Variants in PFKFB3 observed in about 807,000 individuals in gnomAD.
PFKFB3 encodes the protein 6-phosphofructo-2-kinase/fructose-2,6-biphosphatase 3.
PFKFB3 carries 33 observed loss-of-function variants against 68.0 expected under a neutral mutation model. The observed-to-expected ratio is 0.49, with a 90% CI of 0.37 to 0.65. The LOEUF (loss-of-function observed/expected upper bound fraction) is 0.65, where lower values mean the gene tolerates loss of function less well. Ranked by LOEUF, PFKFB3 falls within the 30% of genes least tolerant of loss-of-function variation. PFKFB3 has a pLI of 0.00. For missense variants in PFKFB3, 586 were observed against 712.2 expected (o/e 0.82, Z 2.02); for synonymous variants, 315 against 288.2 (o/e 1.09, Z -0.94).
downstream of PFKFB3, among the ~76,000 whole-genome samples, chr10:6,238,257 C>G (rs1846064950): frequency 6.6e-6 from 1 of 151,930 alleles, no homozygotes; most frequent in South Asian, 2.1e-4. Flanking sequence ...CTCCACCTCC[C>G]AGGTTCAAGT....
At chr10:6,158,521 G>A (rs187884200) in intron 1 of PFKFB3, among the ~76,000 whole-genome samples, 52 of 152,264 alleles carry the variant, frequency 3.4e-4, no homozygotes, top group Admixed American at 8.5e-4. Flanking sequence ...CCGATAAGTG[G>A]TACAAATGCC....
At chr10:6,271,543 A>T in the PFKFB3 span, among the ~76,000 whole-genome samples, 1 of 152,238 alleles carries the variant, frequency 6.6e-6, no homozygotes, top group Non-Finnish European at 1.5e-5. Flanking sequence ...CAGGGAGCTG[A>T]TGAAGCCCAG....
chr10:6,174,399 G>A lies in PFKFB3; in HGVS notation c.16+29386G>A, dbSNP rs117307758. ...ACAAGTGCTGTTCCGTCTGCCTCGC[G>A]GTGCCCCCACACCTGCCTGGCCACG... On this transcript the variant is annotated intron_variant, in intron 1 of 14. Transcript: ENST00000379789. 2.8e-4 allele frequency among the ~76,000 whole-genome samples: 43 copies of A among 152,276 alleles called. No individual in the cohort carries two copies. In the East Asian group the frequency reaches 6.7e-3, roughly 24 times the overall value.
At chr10:6,165,599 A>G (rs1207235760) in intron 1 of PFKFB3, among the ~76,000 whole-genome samples, 1 of 152,112 alleles carries the variant, frequency 6.6e-6, no homozygotes, top group Non-Finnish European at 1.5e-5. Flanking sequence ...CCAGATGTTT[A>G]CCTATGTTAG....
At chr10:6,171,870 C>T (rs1842323399) in intron 1 of PFKFB3, among the ~76,000 whole-genome samples, 1 of 152,242 alleles carries the variant, frequency 6.6e-6, no homozygotes, top group African/African-American at 2.4e-5. Context: ...GGAGCCCGCG[C>T]TTCTCAAGCT....
At chr10:6,213,407 C>G (rs981272322) in intron 1 of PFKFB3, among the ~76,000 whole-genome samples, 1 of 152,114 alleles carries the variant, frequency 6.6e-6, no homozygotes, top group Non-Finnish European at 1.5e-5. Context: ...GTAGTCCCAG[C>G]TATTGGGGAG....
In PFKFB3 at chr10:6,220,622, G is replaced by A. The variant is rs1844886044; in HGVS notation, c.624-36G>A. Reference sequence around the variant, plus strand: ...CAGGTGCATCCTGCTGTGGGTGGTGGCCTGAGCTGTGGTTCTCGGTGGGGT... The same window carrying A: ...CAGGTGCATCCTGCTGTGGGTGGTGACCTGAGCTGTGGTTCTCGGTGGGGT... On this transcript the variant is annotated intron_variant, in intron 7 of 14. Coordinates refer to ENST00000379775, the MANE Select transcript of PFKFB3 (RefSeq NM_004566.4). This position sits in a 1 kb window ranked among gnomAD's most constrained non-coding sequence, Gnocchi z 4.1. 2.5e-6 allele frequency: 4 copies of A among 1,593,336 alleles called. No individual in the cohort carries two copies. The East Asian group carries it at 6.7e-5, about 27-fold the overall frequency.
At chr10:6,237,305 A>G (rs1846036704), downstream of PFKFB3, among the ~76,000 whole-genome samples, 1 of 152,264 alleles carries the variant, frequency 6.6e-6, no homozygotes. Flanking sequence ...GTGCCCCGTC[A>G]TCGTCCATAC....
intron 14 of PFKFB3, among the ~76,000 whole-genome samples, chr10:6,240,955 A>G (rs1846125751): frequency 1.3e-5 from 2 of 150,520 alleles, no homozygotes; most frequent in South Asian, 2.1e-4. Flanking sequence ...CCCATGCTGG[A>G]GTGCAATGGC....
At chr10:6,193,969 A>C in intron 1 of PFKFB3, among the ~76,000 whole-genome samples, 1 of 152,224 alleles carries the variant, frequency 6.6e-6, no homozygotes, top group Non-Finnish European at 1.5e-5. Context: ...CTGGATGTAT[A>C]TGTGCAGGTC....
chr10:6,224,049 C>T (rs1386234594), intron 12 of PFKFB3, 29 bp downstream of exon 12: 3 of 1,613,524 alleles, frequency 1.9e-6, no homozygotes, highest in East Asian at 2.2e-5. Flanking sequence ...CAAGCCCTGT[C>T]CCCCTGAAGG....
chr10:6,294,975 G>GTTTTTTTTTTT, the PFKFB3 span, among the ~76,000 whole-genome samples: 1 of 136,678 alleles, frequency 7.3e-6, no homozygotes, highest in Non-Finnish European at 1.6e-5. Flanking sequence ...TTTTTTTTTT[G>GTTTTTTTTTTT]TTTTTTTTTT....
rs147961534 is a variant in PFKFB3 at position 6,146,177 on chromosome 10, G to A, written c.16+1164G>A. 294 of 1,384,490 alleles carry A rather than the reference G, an allele frequency of 2.1e-4. 1 individual carries two copies. In the African/African-American group the frequency reaches 4.0e-3, roughly 19 times the overall value. 85.8% of individuals were successfully genotyped at this position (1,384,490 alleles called of 1,614,324 possible). A position where few individuals can be genotyped will look rare whatever the true frequency, so the allele number is the denominator to read the frequency against. ...CCTGGCCTCCCCTGGCACTGGGCCT[G>A]TGCTGTGCCGTCTCTCCCTTCCCGC... On this transcript the variant is annotated intron_variant, in intron 1 of 14. Transcript: ENST00000379789.
At chr10:6,322,583 C>T in the PFKFB3 span, among the ~76,000 whole-genome samples, 6,783 of 152,302 alleles carry the variant, frequency 0.045, 521 homozygotes, top group African/African-American at 0.15. Context: ...CCTTACCTCC[C>T]TCATTAGCCA....
At chr10:6,223,366 A>G (rs114057676) in intron 11 of PFKFB3, among the ~76,000 whole-genome samples, 166 of 152,332 alleles carry the variant, frequency 1.1e-3, no homozygotes, top group African/African-American at 3.5e-3. Context: ...AAGTCTTAGC[A>G]TGTCCAGTCC....
chr10:6,165,841 A>AC (rs1165857793), intron 1 of PFKFB3, among the ~76,000 whole-genome samples: 2 of 150,532 alleles, frequency 1.3e-5, no homozygotes, highest in Non-Finnish European at 3.0e-5. Flanking sequence ...TTGAGACAGA[A>AC]CCTCACTCTG....
intron 1 of PFKFB3, among the ~76,000 whole-genome samples, chr10:6,210,345 TG>T (rs1284509383): frequency 0.031 from 1,220 of 38,820 alleles, 93 homozygotes; most frequent in African/African-American, 0.057. Flanking sequence ...TGTTTTTTTT[TG>T]TTTTTTTTTG....
At chr10:6,174,036 T>C (rs1382916617) in intron 1 of PFKFB3, among the ~76,000 whole-genome samples, 1 of 151,758 alleles carries the variant, frequency 6.6e-6, no homozygotes, top group Non-Finnish European at 1.5e-5. Flanking sequence ...GGAGTTGAGA[T>C]TTGGGGATTG....
At position 6,151,800 on chromosome 10, in the gene PFKFB3, G is replaced by A. The variant is rs148671419; in HGVS notation, c.16+6787G>A. Among the ~76,000 whole-genome samples, 333 of 152,250 alleles carry A rather than the reference G, an allele frequency of 2.2e-3. 2 individuals are homozygous for A. The highest frequency in any genetic ancestry group is 7.2e-3 in the African/African-American group (298 of 41,538). ...TCTTGCCTAGGCATGGGGTAGACCT[G>A]TTTGATGCAGGCGGACTTCAGGGAA... On this transcript the variant is annotated intron_variant, in intron 1 of 14. Transcript: ENST00000379789.
Sources: gnomAD v4.1 joint callset for allele counts (sites outside exome capture counted in the v4.1 genomes callset) on GRCh38, gnomAD v4.1.1 for gene constraint, Gnocchi (gnomAD v3.1) non-coding constraint, MANE v1.5 for transcripts, NCBI Gene and HGNC (gene_info 2026-07-23, HGNC 2026-07-21) for gene names.